The following SPAG16 variants were observed in gnomAD, a reference collection of about 807,000 sequenced individuals.
SPAG16 encodes sperm-associated antigen 16 protein.
Under a neutral mutation model 80.4 loss-of-function variants are expected in SPAG16, and 86 were observed. The observed-to-expected ratio is 1.07, with a 90% CI of 0.90 to 1.28. The LOEUF is 1.28. Ranked by LOEUF, SPAG16 falls within the 50% of genes most tolerant of loss-of-function variation. The pLI is 0.00. For missense variants in SPAG16, 870 were observed against 765.3 expected (o/e 1.14, Z -1.61); for synonymous variants, 294 against 265.9 (o/e 1.11, Z -1.03).
chr2:214,037,377 G>A (rs1053937485), intron 13 of SPAG16, among the ~76,000 whole-genome samples: 2 of 151,762 alleles, frequency 1.3e-5, no homozygotes, highest in Non-Finnish European at 2.9e-5. Flanking sequence ...AAAATAATCT[G>A]TTTTTTGTTA....
intron 10 of SPAG16, among the ~76,000 whole-genome samples, chr2:213,618,414 A>C (rs1247292290): frequency 6.6e-6 from 1 of 152,176 alleles, no homozygotes; most frequent in Non-Finnish European, 1.5e-5. Flanking sequence ...GTTTAAGATT[A>C]GTCTCTTTAT....
At chr2:214,273,955 G>A (rs1376993456) in intron 15 of SPAG16, among the ~76,000 whole-genome samples, 1 of 152,018 alleles carries the variant, frequency 6.6e-6, no homozygotes, top group Non-Finnish European at 1.5e-5. Flanking sequence ...ATTTGTTTGT[G>A]TCCCCCTTTA....
At chr2:213,707,325 T>C (rs2065801831) in intron 10 of SPAG16, among the ~76,000 whole-genome samples, 1 of 152,224 alleles carries the variant, frequency 6.6e-6, no homozygotes, top group Non-Finnish European at 1.5e-5. Flanking sequence ...TCAGTTCTTC[T>C]AATGCACTAC....
At chr2:213,429,350 A>G (rs113104825) in intron 9 of SPAG16, among the ~76,000 whole-genome samples, 3,088 of 152,054 alleles carry the variant, frequency 0.02, 45 homozygotes, top group Middle Eastern at 0.051. Flanking sequence ...GTTCCACCCA[A>G]CTTGACCCCC....
At chr2:213,996,163 T>C (rs550255894) in intron 12 of SPAG16, among the ~76,000 whole-genome samples, 2 of 152,316 alleles carry the variant, frequency 1.3e-5, no homozygotes, top group South Asian at 4.1e-4. Flanking sequence ...TCACCAGGAG[T>C]ATAAATGCAA....
chr2:213,289,043 T>G (rs1294390380), intron 1 of SPAG16, among the ~76,000 whole-genome samples: 1 of 152,228 alleles, frequency 6.6e-6, no homozygotes, highest in Non-Finnish European at 1.5e-5. Flanking sequence ...CTCTGTGTCC[T>G]TTAGTCAGGC....
intron 12 of SPAG16, among the ~76,000 whole-genome samples, chr2:214,002,491 T>C (rs1182728339): frequency 2.0e-5 from 3 of 152,124 alleles, no homozygotes; most frequent in Non-Finnish European, 4.4e-5. Flanking sequence ...ACTGTATTAA[T>C]CAGGGTTCTC....
At chr2:214,203,634 T>C (rs1407011427) in intron 15 of SPAG16, among the ~76,000 whole-genome samples, 5 of 152,102 alleles carry the variant, frequency 3.3e-5, no homozygotes, top group Middle Eastern at 3.4e-3. Context: ...GAGTAAAATA[T>C]GGGAATAGAA....
chr2:214,003,464 T>C (rs2046887338), intron 12 of SPAG16, among the ~76,000 whole-genome samples: 1 of 152,212 alleles, frequency 6.6e-6, no homozygotes, highest in Admixed American at 6.5e-5. Context: ...TTAAACCAAC[T>C]GTTTGGGATA....
intron 15 of SPAG16, among the ~76,000 whole-genome samples, chr2:214,276,673 A>T (rs1692487894): frequency 6.6e-6 from 1 of 152,224 alleles, no homozygotes; most frequent in South Asian, 2.1e-4. Flanking sequence ...TGTTAGTCTG[A>T]TAGTTACCCT....
chr2:213,360,341 A>G (rs1232786858), intron 7 of SPAG16, among the ~76,000 whole-genome samples: 1 of 152,240 alleles, frequency 6.6e-6, no homozygotes, highest in Non-Finnish European at 1.5e-5. Context: ...TAGTTATAGG[A>G]CAAGCTGTGT....
intron 10 of SPAG16, among the ~76,000 whole-genome samples, chr2:213,666,116 A>C (rs1226137388): frequency 6.6e-6 from 1 of 152,158 alleles, no homozygotes; most frequent in Non-Finnish European, 1.5e-5. Context: ...AATCACAAAT[A>C]ATGAGAATAG....
chr2:213,362,100 A>C (rs2066015259), intron 7 of SPAG16, among the ~76,000 whole-genome samples: 1 of 152,128 alleles, frequency 6.6e-6, no homozygotes, highest in Admixed American at 6.5e-5. Flanking sequence ...AAGAAGGAGG[A>C]GGTAAAACTT....
intron 12 of SPAG16, among the ~76,000 whole-genome samples, chr2:213,983,636 A>T (rs1322854411): frequency 1.3e-5 from 2 of 151,978 alleles, no homozygotes; most frequent in African/African-American, 4.8e-5. Flanking sequence ...TACAAACAAT[A>T]TGAGTTTTTG....
intron 10 of SPAG16, among the ~76,000 whole-genome samples, chr2:213,679,317 T>C (rs892701998): frequency 2.0e-5 from 3 of 152,196 alleles, no homozygotes; most frequent in Admixed American, 6.6e-5. Context: ...AGAGTTTGAA[T>C]TGGTATTTCC....
intron 12 of SPAG16, among the ~76,000 whole-genome samples, chr2:213,951,712 GA>G (rs2079790748): frequency 6.6e-6 from 1 of 152,106 alleles, no homozygotes; most frequent in Non-Finnish European, 1.5e-5. Context: ...AAACATTGAG[GA>G]GATAAATGGA....
chr2:213,346,792 T>C (rs374168660), intron 6 of SPAG16, among the ~76,000 whole-genome samples: 3,623 of 152,204 alleles, frequency 0.024, 60 homozygotes, highest in African/African-American at 0.039. Context: ...CAGTATTTTA[T>C]TGAGGATTTT....
intron 11 of SPAG16, among the ~76,000 whole-genome samples, chr2:213,925,410 G>A (rs1055823611): frequency 1.3e-5 from 2 of 149,260 alleles, no homozygotes; most frequent in African/African-American, 4.9e-5. Context: ...GGAGTGCAGT[G>A]TCACAATCTT....
At chr2:213,991,306 T>A (rs550726732) in intron 12 of SPAG16, among the ~76,000 whole-genome samples, 1 of 152,282 alleles carries the variant, frequency 6.6e-6, no homozygotes, top group East Asian at 1.9e-4. Context: ...TCCAGCTTCA[T>A]CCACATTTCT....
Sources: gnomAD v4.1 joint callset for allele counts (sites outside exome capture counted in the v4.1 genomes callset) on GRCh38, gnomAD v4.1.1 for gene constraint, MANE v1.5 for transcripts, NCBI Gene and HGNC (gene_info 2026-07-23, HGNC 2026-07-21) for gene names.